Variants in PARD6G observed in about 807,000 individuals in gnomAD.
The protein encoded by PARD6G is par-6 family cell polarity regulator gamma.
In PARD6G, 7 loss-of-function variants were observed where a neutral mutation model predicts 10.7. The ratio of observed to expected loss-of-function variants is 0.66; its 90% CI spans 0.37 to 1.23. The LOEUF (loss-of-function observed/expected upper bound fraction) is 1.23, where lower values mean the gene tolerates loss of function less well. Among genes scored for constraint, PARD6G ranks in the 50% most tolerant of loss-of-function variants. The pLI, the probability that PARD6G is intolerant of heterozygous loss-of-function variation, is 0.02. For missense variants in PARD6G, 548 were observed against 571.8 expected (o/e 0.96, Z 0.42); for synonymous variants, 287 against 269.4 (o/e 1.07, Z -0.64).
At chr18:80,186,387 AC>A (rs1389340249) in intron 2 of PARD6G, among the ~76,000 whole-genome samples, 1 of 133,820 alleles carries the variant, frequency 7.5e-6, no homozygotes, top group East Asian at 2.4e-4. Flanking sequence ...ATGCTCGCAC[AC>A]CCTCACACAT....
chr18:80,167,968 G>C (rs1027997332), intron 2 of PARD6G, among the ~76,000 whole-genome samples: 1 of 152,160 alleles, frequency 6.6e-6, no homozygotes, highest in African/African-American at 2.4e-5. Context: ...TAGGCAGGGG[G>C]CAAAAGAGCC....
chr18:80,159,777 C>G lies in PARD6G; in HGVS notation c.1125G>C (p.Thr375=), dbSNP rs2052682373. The G allele has an allele frequency of 1.4e-6, 2 of 1,426,122 alleles. No individual in the cohort carries two copies. Among genetic ancestry groups the G allele is most frequent in the Non-Finnish European group, 1.8e-6 (2 of 1,095,142 alleles). 88.3% of individuals were successfully genotyped at this position (1,426,122 alleles called of 1,614,324 possible). The part of the protein sequence containing the change: ...GGVEEHGPAV[T]L Reference sequence around the variant, plus strand: ...TTGGGGGCCTCTCGGGAGTCTAGAGCGTGACCGCGGGCCCGTGCTCCTCCA... The same window carrying G: ...TTGGGGGCCTCTCGGGAGTCTAGAGGGTGACCGCGGGCCCGTGCTCCTCCA... Residue 375 remains threonine (T), a synonymous_variant, in exon 3 of 3, where the codon ACG becomes ACC. Transcript: ENST00000353265.
rs975624056 is a variant in PARD6G at position 80,184,431 on chromosome 18, A to T, written c.295+18279T>A. ...CCGATGAACACAGGGTGACCTGTCC[A>T]TACAGTGGGGTCTCAGCCACAGAGG... On this transcript the variant is annotated intron_variant, in intron 2 of 2. Transcript: ENST00000353265. The surrounding 1 kb of genome is among the most constrained non-coding windows in gnomAD (Gnocchi z 4.5). The T allele has an allele frequency of 1.3e-5, 2 of 152,228 alleles. No homozygotes were observed. Among genetic ancestry groups the T allele is most frequent in the African/African-American group, 4.8e-5 (2 of 41,468 alleles). 9.4% of individuals were successfully genotyped at this position (152,228 alleles called of 1,614,324 possible). A position where few individuals can be genotyped will look rare whatever the true frequency, so the allele number is the denominator to read the frequency against.
rs992620966 is a variant in PARD6G at position 80,228,140 on chromosome 18, A to G, written c.72+19137T>C. The stretch of plus-strand genomic sequence containing the variant: ...AGGTGACCAGCGTGAGGCAGGCCCC[A>G]CCTTTGTTCATCTGAGGAGTGGTTT... On this transcript the variant is annotated intron_variant, in intron 1 of 2. Transcript: ENST00000353265. This position sits in a 1 kb window ranked among gnomAD's most constrained non-coding sequence, Gnocchi z 4.6. Among the ~76,000 whole-genome samples, 5 of 152,158 alleles carry G rather than the reference A, an allele frequency of 3.3e-5. No homozygotes were observed. Among genetic ancestry groups the G allele is most frequent in the Non-Finnish European group, 7.4e-5 (5 of 68,022 alleles).
chr18:80,241,013 C>T (rs1967484032), intron 1 of PARD6G, among the ~76,000 whole-genome samples: 1 of 152,178 alleles, frequency 6.6e-6, no homozygotes, highest in Non-Finnish European at 1.5e-5. Flanking sequence ...AGAATAGCTA[C>T]TGAATAGAGG....
rs1568431447 is a variant in PARD6G, at chr18:80,184,532, C to CGGGAGCAAGGCCGTGAAACCCTCAGA, written c.295+18177_295+18178insTCTGAGGGTTTCACGGCCTTGCTCCC. The CGGGAGCAAGGCCGTGAAACCCTCAGA allele has an allele frequency of 4.8e-5, 7 of 146,876 alleles. No individual in the cohort carries two copies. The highest frequency in any genetic ancestry group is 1.8e-4 in the African/African-American group (7 of 39,122). 9.1% of individuals were successfully genotyped at this position (146,876 alleles called of 1,614,324 possible). On this transcript the variant is annotated intron_variant, in intron 2 of 2. Coordinates refer to ENST00000353265, the MANE Select transcript of PARD6G (RefSeq NM_032510.4). The surrounding 1 kb of genome is among the most constrained non-coding windows in gnomAD (Gnocchi z 4.5). ...GGGAGCAAGGCCGTGAAACCCGCAG[C>CGGGAGCAAGGCCGTGAAACCCTCAGA]GGGAGCAAGGCAGTGAAACCCTCAG...
intron 1 of PARD6G, among the ~76,000 whole-genome samples, chr18:80,218,380 C>T (rs1037477347): frequency 6.6e-6 from 1 of 151,990 alleles, no homozygotes; most frequent in African/African-American, 2.4e-5. Flanking sequence ...AACAAAAGGG[C>T]TACAGGCCCC....
At chr18:80,203,011 G>C in intron 1 of PARD6G, 79 bp from the exon 2 acceptor site, 4 of 941,604 alleles carry the variant, frequency 4.2e-6, no homozygotes, top group Non-Finnish European at 5.1e-6. Context: ...TGTGGTTAGT[G>C]TACTTAACAA....
In PARD6G at chr18:80,182,831, C is replaced by T. The variant is rs2052854837; in HGVS notation, c.295+19879G>A. ...TGACAAGTTACTATTTTGGGCAGGACAAATGTTCCCAGAGAACTTTTAAAT... is the reference window on the plus strand; with the variant it reads ...TGACAAGTTACTATTTTGGGCAGGATAAATGTTCCCAGAGAACTTTTAAAT... On this transcript the variant is annotated intron_variant, in intron 2 of 2. Coordinates refer to ENST00000353265, the MANE Select transcript of PARD6G (RefSeq NM_032510.4). The surrounding 1 kb of genome is among the most constrained non-coding windows in gnomAD (Gnocchi z 4.5). The T allele has an allele frequency of 2.5e-6, 1 of 400,132 alleles. No homozygotes were observed. The highest frequency in any genetic ancestry group is 4.1e-5 in the Admixed American group (1 of 24,240). The allele number at this position is 400,132 out of a possible 1,614,324, so 24.8% of individuals were successfully genotyped here.
Position 80,160,315 on chromosome 18 carries a change from G to A in PARD6G, c.587C>T (p.Ser196Leu). Residue 196 changes from serine (S) to leucine (L), a missense_variant, in exon 3 of 3, where the codon TCG becomes TTG. By Grantham distance (145) the Ser-to-Leu change is moderately radical. Transcript: ENST00000353265. ...CGCCAGGCCCCCGGGTACCATGCGC[G>A]AGATGAAGATGCCGGGCACCTTCTC... ...GLEKVPGIFI[S>L]RMVPGGLAES... 1 of 1,612,120 alleles carries A rather than the reference G, an allele frequency of 6.2e-7. No individual in the cohort carries two copies. The highest frequency in any genetic ancestry group is 8.5e-7 in the Non-Finnish European group (1 of 1,179,838).
In PARD6G at chr18:80,247,232, C is replaced by G. The variant is rs750613322; in HGVS notation, c.72+45G>C. 7 of 1,501,796 alleles carry G rather than the reference C, an allele frequency of 4.7e-6. No individual in the cohort carries two copies. In the African/African-American group the frequency reaches 1.0e-4, roughly 22 times the overall value. 93.0% of individuals were successfully genotyped at this position (1,501,796 alleles called of 1,614,324 possible). A position where few individuals can be genotyped will look rare whatever the true frequency, so the allele number is the denominator to read the frequency against. On this transcript the variant is annotated intron_variant, in intron 1 of 2. Transcript: ENST00000353265. This position sits in a 1 kb window ranked among gnomAD's most constrained non-coding sequence, Gnocchi z 4.2. Reference sequence around the variant, plus strand: ...CTCCGCGGGGCGCCCCATTCATTAGCCAGGAGACTGGGCGCAGGGCCGCCG... The same window carrying G: ...CTCCGCGGGGCGCCCCATTCATTAGGCAGGAGACTGGGCGCAGGGCCGCCG...
rs190306282 is a variant in PARD6G at position 80,210,721 on chromosome 18, G to A, written c.73-7789C>T. 1.2e-3 allele frequency among the ~76,000 whole-genome samples: 183 copies of A among 152,250 alleles called. 2 individuals carry two copies. Among genetic ancestry groups the A allele is most frequent in the Non-Finnish European group, 1.9e-3 (127 of 68,020 alleles). On this transcript the variant is annotated intron_variant, in intron 1 of 2. Transcript: ENST00000353265. ...AAAATAGGTTATCTACAAAGGGAAC[G>A]ACTAATTATAAACAAATAATTATTG...
intron 2 of PARD6G, among the ~76,000 whole-genome samples, chr18:80,190,831 A>G (rs1199722385): frequency 1.3e-5 from 2 of 152,130 alleles, no homozygotes; most frequent in South Asian, 4.1e-4. Context: ...GGCAATCAAC[A>G]AAATCACCAT....
At chr18:80,245,494 C>T (rs1297391891) in intron 1 of PARD6G, among the ~76,000 whole-genome samples, 1 of 152,214 alleles carries the variant, frequency 6.6e-6, no homozygotes, top group East Asian at 1.9e-4. Flanking sequence ...GAGTGTGTCA[C>T]GCTGCTGAGA....
chr18:80,174,337 C>T (rs1254301068), intron 2 of PARD6G, among the ~76,000 whole-genome samples: 1 of 152,186 alleles, frequency 6.6e-6, no homozygotes, highest in Non-Finnish European at 1.5e-5. Context: ...CTTCCTTTGA[C>T]AGAGAGGGGA....
chr18:80,161,265 G>A lies in PARD6G; in HGVS notation c.296-659C>T, dbSNP rs2052699314. Among the ~76,000 whole-genome samples, 1 of 152,030 alleles carries A rather than the reference G, an allele frequency of 6.6e-6. No individual in the cohort carries two copies. Among genetic ancestry groups the A allele is most frequent in the South Asian group, 2.1e-4 (1 of 4,822 alleles). On this transcript the variant is annotated intron_variant, in intron 2 of 2. Coordinates refer to ENST00000353265, the MANE Select transcript of PARD6G (RefSeq NM_032510.4). This position sits in a 1 kb window ranked among gnomAD's most constrained non-coding sequence, Gnocchi z 4.6. ...AGGTCCCGCACAGTCAGTGCTATTT[G>A]TAGGCACATGGAGCCTCAAGGCTCA...
At chr18:80,197,090 A>T (rs955751001) in intron 2 of PARD6G, among the ~76,000 whole-genome samples, 6 of 152,134 alleles carry the variant, frequency 3.9e-5, no homozygotes, top group African/African-American at 1.4e-4. Context: ...CCTGCCCCCA[A>T]GAAACAAAAC....
In PARD6G at chr18:80,244,041, C is replaced by T. The variant is rs559213460; in HGVS notation, c.72+3236G>A. Among the ~76,000 whole-genome samples the T allele has an allele frequency of 3.9e-5, 6 of 152,212 alleles. No homozygotes were observed. The South Asian group carries it at 1.2e-3, about 32-fold the overall frequency. ...GGCGTTGCTAAGTTCGTAGTGGCAC[C>T]GTGTTGCTTGCTGTCTTCTCCTCAT... On this transcript the variant is annotated intron_variant, in intron 1 of 2. Transcript: ENST00000353265.
chr18:80,160,146 C>T lies in PARD6G; in HGVS notation c.756G>A (p.Gln252=). Residue 252 remains glutamine (Q), a synonymous_variant, in exon 3 of 3, where the codon CAG becomes CAA. Transcript: ENST00000353265. Reference sequence around the variant, plus strand: ...GGCCGCCGCGCACCACGTTGTTGCGCTGGTTGGCGGGCTTGACGGTGACGA... The same window carrying T: ...GGCCGCCGCGCACCACGTTGTTGCGTTGGTTGGCGGGCTTGACGGTGACGA... ...NLIVTVKPAN[Q]RNNVVRGGRA... is the part of the protein sequence containing the mutation. 6.2e-7 allele frequency: 1 copy of T among 1,613,318 alleles called. No homozygotes were observed. The highest frequency in any genetic ancestry group is 8.5e-7 in the Non-Finnish European group (1 of 1,179,762).
Sources: gnomAD v4.1 joint callset for allele counts (sites outside exome capture counted in the v4.1 genomes callset) on GRCh38, gnomAD v4.1.1 for gene constraint, Gnocchi (gnomAD v3.1) non-coding constraint, MANE v1.5 for transcripts, NCBI Gene and HGNC (gene_info 2026-07-23, HGNC 2026-07-21) for gene names.